Variants in PAX7 observed in about 807,000 individuals in gnomAD.
PAX7 encodes paired box protein Pax-7.
PAX7 carries 18 observed loss-of-function variants against 50.7 expected under a neutral mutation model. The observed-to-expected ratio is 0.36, with a 90% confidence interval of 0.25 to 0.53. The LOEUF (loss-of-function observed/expected upper bound fraction) is 0.53. PAX7 is among the 20% of genes least tolerant of loss of function. The pLI is 0.93. For synonymous variants in PAX7, 310 were observed against 290.4 expected (o/e 1.07, Z -0.69); for missense variants, 644 against 702.9 (o/e 0.92, Z 0.95).
At chr1:18,734,023 G>A (rs536667735) in intron 7 of PAX7, among the ~76,000 whole-genome samples, 3 of 152,284 alleles carry the variant, frequency 2.0e-5, no homozygotes, top group East Asian at 1.9e-4. Flanking sequence ...GCTGGTAAAC[G>A]GAGGAGCTCG....
At chr1:18,660,897 C>G (rs2088591173) in intron 4 of PAX7, among the ~76,000 whole-genome samples, 1 of 152,144 alleles carries the variant, frequency 6.6e-6, no homozygotes, top group Admixed American at 6.5e-5. Context: ...CTCCCCTTGA[C>G]CCTCGGTTTT....
At chr1:18,657,661 G>A (rs564263817) in intron 4 of PAX7, among the ~76,000 whole-genome samples, 11 of 152,160 alleles carry the variant, frequency 7.2e-5, no homozygotes, top group Admixed American at 4.6e-4. Context: ...TCAGGGGCCC[G>A]ATGAATAGCG....
intron 8 of PAX7, among the ~76,000 whole-genome samples, chr1:18,740,000 C>T (rs575226203): frequency 5.9e-5 from 9 of 152,282 alleles, no homozygotes; most frequent in East Asian, 3.9e-4. Context: ...TGCGGGCTGA[C>T]GAGGCGCTGA....
intron 4 of PAX7, among the ~76,000 whole-genome samples, chr1:18,641,610 T>C (rs545487036): frequency 6.6e-6 from 1 of 152,286 alleles, no homozygotes; most frequent in African/African-American, 2.4e-5. Context: ...AAAAGACTAG[T>C]GTGCACGGCG....
chr1:18,640,447 T>C lies in PAX7; in HGVS notation c.586+4076T>C, dbSNP rs964288757. On this transcript the variant is annotated intron_variant, in intron 4 of 8. Transcript: ENST00000420770. ...GGCTTCACACCTGGAAGGGACATTG[T>C]TTACGGGATCTTCGAAAACCAGGAA... Among the ~76,000 whole-genome samples the C allele has an allele frequency of 2.0e-5, 3 of 151,050 alleles. No homozygotes were observed. In the East Asian group the frequency reaches 6.0e-4, roughly 30 times the overall value.
At chr1:18,702,305 C>T (rs1275843865) in intron 6 of PAX7, among the ~76,000 whole-genome samples, 1 of 152,068 alleles carries the variant, frequency 6.6e-6, no homozygotes, top group Non-Finnish European at 1.5e-5. Flanking sequence ...CGCCACTGCA[C>T]TCCAGCCTGG....
rs376592071 is a variant in PAX7 at position 18,689,402 on chromosome 1, AAGCCCTGGCAGGAAAGGCCAGGGCAG to A, written c.587-2336_587-2311del. On this transcript the variant is annotated intron_variant, in intron 4 of 8. Transcript: ENST00000420770. ...AGTGACTGGGGGGCTGGGTAACTGG[AAGCCCTGGCAGGAAAGGCCAGGGCAG>A]AGCCCTGGCAGGAAAAGCAAGGGCA... Among the ~76,000 whole-genome samples the A allele has an allele frequency of 2.4e-3, 363 of 152,160 alleles. 3 individuals carry two copies. The South Asian group carries it at 0.029, about 12-fold the overall frequency.
At chr1:18,741,349 C>A (rs1247054718) in intron 8 of PAX7, among the ~76,000 whole-genome samples, 1 of 151,860 alleles carries the variant, frequency 6.6e-6, no homozygotes, top group African/African-American at 2.4e-5. Context: ...ACTTGGGAGA[C>A]TGAGGCAGGA....
chr1:18,645,139 T>C (rs927262402), intron 4 of PAX7, among the ~76,000 whole-genome samples: 6 of 152,120 alleles, frequency 3.9e-5, no homozygotes, highest in South Asian at 4.1e-4. Context: ...TGAGTGTGTG[T>C]GCGCGCGCGC....
At chr1:18,668,279 C>A (rs530768004) in intron 4 of PAX7, among the ~76,000 whole-genome samples, 2 of 152,220 alleles carry the variant, frequency 1.3e-5, no homozygotes, top group Non-Finnish European at 2.9e-5. Context: ...TGAATTTCAA[C>A]GTCCTGGCCC....
intron 6 of PAX7, among the ~76,000 whole-genome samples, chr1:18,701,168 C>A (rs1380059805): frequency 6.6e-6 from 1 of 152,202 alleles, no homozygotes; most frequent in East Asian, 1.9e-4. Flanking sequence ...ATGGACCAGG[C>A]TTTGAGCAGC....
chr1:18,633,158 C>T (rs1027160753), intron 1 of PAX7, among the ~76,000 whole-genome samples: 3 of 151,832 alleles, frequency 2.0e-5, no homozygotes, highest in Admixed American at 2.0e-4. Context: ...GGTGGGGGGA[C>T]CGGGAGAGCG....
chr1:18,662,243 C>T (rs1468262943), intron 4 of PAX7, among the ~76,000 whole-genome samples: 1 of 152,140 alleles, frequency 6.6e-6, no homozygotes, highest in Non-Finnish European at 1.5e-5. Flanking sequence ...CCGGCCTTGG[C>T]CAAGCTACTC....
chr1:18,636,182 C>T lies in PAX7; in HGVS notation c.452-55C>T, dbSNP rs1194306708. 10 of 1,585,802 alleles carry T rather than the reference C, an allele frequency of 6.3e-6. No homozygotes were observed. The highest frequency in any genetic ancestry group is 1.7e-5 in the Admixed American group (1 of 57,634). Reference sequence around the variant, plus strand: ...TTTCTCCCAGGGGCCCAGGCCACCGCTCGCTCCTCTGCTCCAACAACTTAT... The same window carrying T: ...TTTCTCCCAGGGGCCCAGGCCACCGTTCGCTCCTCTGCTCCAACAACTTAT... On this transcript the variant is annotated intron_variant, in intron 3 of 8. Coordinates refer to ENST00000420770, the MANE Select transcript of PAX7 (RefSeq NM_001135254.2). This position sits in a 1 kb window ranked among gnomAD's most constrained non-coding sequence, Gnocchi z 5.1.
Position 18,740,900 on chromosome 1 carries a change from G to A in PAX7, c.1403-3914G>A, listed in dbSNP as rs372926390. 2.6e-4 allele frequency among the ~76,000 whole-genome samples: 39 copies of A among 152,278 alleles called. No homozygotes were observed. The South Asian group carries it at 6.4e-3, about 25-fold the overall frequency. ...TTAAGTAACATAAGCCAGGCACAGA[G>A]AGACAAACATCACATGTTCTCATAT... On this transcript the variant is annotated intron_variant, in intron 8 of 8. Coordinates refer to ENST00000420770, the MANE Select transcript of PAX7 (RefSeq NM_001135254.2).
chr1:18,686,401 T>C (rs998134774), intron 4 of PAX7, among the ~76,000 whole-genome samples: 8 of 152,176 alleles, frequency 5.3e-5, no homozygotes, highest in Admixed American at 2.6e-4. Flanking sequence ...AGCTGTTTGA[T>C]AGTGCGAGGG....
At chr1:18,675,782 TTG>T (rs1396669396) in intron 4 of PAX7, among the ~76,000 whole-genome samples, 1 of 152,218 alleles carries the variant, frequency 6.6e-6, no homozygotes, top group African/African-American at 2.4e-5. Context: ...AATTCATATC[TTG>T]AAGGCATGGC....
At chr1:18,734,434 C>T (rs2089686213) in intron 7 of PAX7, among the ~76,000 whole-genome samples, 1 of 152,008 alleles carries the variant, frequency 6.6e-6, no homozygotes, top group African/African-American at 2.4e-5. Context: ...CTCACTGGGA[C>T]ACTGTGCCCT....
Position 18,700,614 on chromosome 1 carries a change from T to C in PAX7, c.787-39T>C. ...GTGTTGCAGCTCTCTGCCAGGAACC[T>C]GGCCGAGGGGTCTCCATTCTCTGCT... On this transcript the variant is annotated intron_variant, in intron 5 of 8. Coordinates refer to ENST00000420770, the MANE Select transcript of PAX7 (RefSeq NM_001135254.2). The surrounding 1 kb of genome is among the most constrained non-coding windows in gnomAD (Gnocchi z 4.8). The C allele has an allele frequency of 2.7e-6, 4 of 1,477,544 alleles. No homozygotes were observed. The highest frequency in any genetic ancestry group is 3.6e-6 in the Non-Finnish European group (4 of 1,112,670). 91.5% of individuals were successfully genotyped at this position (1,477,544 alleles called of 1,614,324 possible).
Sources: allele counts gnomAD v4.1 joint callset (sites outside exome capture counted in the v4.1 genomes callset), GRCh38; gene constraint gnomAD v4.1.1; non-coding constraint Gnocchi (gnomAD v3.1); transcripts MANE v1.5; gene names NCBI Gene and HGNC (gene_info 2026-07-23, HGNC 2026-07-21).